The following WDR31 variants were observed in gnomAD, a reference collection of about 807,000 sequenced individuals.
The protein encoded by WDR31 is WD repeat-containing protein 31.
A neutral mutation model predicts 47.3 loss-of-function variants in WDR31; 30 were observed. The ratio of observed to expected loss-of-function variants is 0.63; its 90% CI spans 0.47 to 0.86. The LOEUF is 0.86. Among genes scored for constraint, WDR31 ranks in the 40% least tolerant of loss-of-function variants. The pLI is 0.00. For synonymous variants in WDR31, 137 were observed against 159.4 expected, an observed-to-expected ratio of 0.86 and a Z score of 1.06; for missense variants, 406 against 442.9, an observed-to-expected ratio of 0.92 and a Z score of 0.75.
chr9:113,323,226 G>A, intron 5 of WDR31, 71 bp from the exon 6 acceptor site: 3 of 1,537,430 alleles, frequency 2.0e-6, no homozygotes, highest in Non-Finnish European at 2.6e-6. Context: ...TAAATTGGGG[G>A]AAAGATGAGT....
At chr9:113,323,598 TG>T (rs1409398703) in intron 5 of WDR31, among the ~76,000 whole-genome samples, 1 of 152,206 alleles carries the variant, frequency 6.6e-6, no homozygotes, top group African/African-American at 2.4e-5. Context: ...TACCTAAGCT[TG>T]AAATCTATGA....
At chr9:113,326,424 TTTTTC>T (rs1833471196) in intron 5 of WDR31, among the ~76,000 whole-genome samples, 1 of 151,994 alleles carries the variant, frequency 6.6e-6, no homozygotes, top group Non-Finnish European at 1.5e-5. Flanking sequence ...TCTTTCTTTC[TTTTTC>T]TTTTTCTCTC....
chr9:113,326,219 T>C (rs559197985), intron 5 of WDR31, among the ~76,000 whole-genome samples: 2 of 152,304 alleles, frequency 1.3e-5, no homozygotes, highest in East Asian at 3.9e-4. Context: ...CCCATTCACA[T>C]TCTTTAATAA....
At chr9:113,327,429 A>ACACACACACACACGTG (rs1833499163) in intron 5 of WDR31, among the ~76,000 whole-genome samples, 1 of 152,006 alleles carries the variant, frequency 6.6e-6, no homozygotes, top group African/African-American at 2.4e-5. Flanking sequence ...GCACACACAC[A>ACACACACACACACGTG]CACACACACA....
At chr9:113,323,797 T>G (rs1391812249) in intron 5 of WDR31, among the ~76,000 whole-genome samples, 1 of 152,250 alleles carries the variant, frequency 6.6e-6, no homozygotes, top group Admixed American at 6.5e-5. Flanking sequence ...GGATTCCTTT[T>G]GCACTTGATC....
chr9:113,335,995 A>G (rs1325735979), intron 2 of WDR31, among the ~76,000 whole-genome samples: 1 of 152,262 alleles, frequency 6.6e-6, no homozygotes, highest in Admixed American at 6.5e-5. Flanking sequence ...ATAAGAGGCC[A>G]CAAGATGTGC....
intron 8 of WDR31, among the ~76,000 whole-genome samples, chr9:113,320,714 C>T (rs1276838555): frequency 6.6e-6 from 1 of 152,174 alleles, no homozygotes; most frequent in Admixed American, 6.5e-5. Context: ...TGAGTTCTTT[C>T]TATTTTGAGA....
At chr9:113,334,550 T>G (rs1208351655) in intron 2 of WDR31, among the ~76,000 whole-genome samples, 1 of 151,676 alleles carries the variant, frequency 6.6e-6, no homozygotes, top group Non-Finnish European at 1.5e-5. Context: ...ATTTATTTTA[T>G]TTTTTTGAGA....
At chr9:113,326,498 G>A (rs1481151707) in intron 5 of WDR31, among the ~76,000 whole-genome samples, 3 of 141,222 alleles carry the variant, frequency 2.1e-5, no homozygotes, top group Admixed American at 7.5e-5. Flanking sequence ...ACTGGGTCTC[G>A]CTATGTCACC....
At chr9:113,333,370 ATT>A (rs60772699) in intron 2 of WDR31, among the ~76,000 whole-genome samples, 50 of 102,932 alleles carry the variant, frequency 4.9e-4, no homozygotes, top group African/African-American at 8.5e-4. Flanking sequence ...TGGTTGTTGG[ATT>A]TTTTTTTTTT....
chr9:113,322,707 G>C, intron 7 of WDR31, 104 bp downstream of exon 7: 2 of 1,149,056 alleles, frequency 1.7e-6, no homozygotes, highest in Non-Finnish European at 2.5e-6. Context: ...TTGGGACCCA[G>C]GCTCTAATTT....
chr9:113,326,884 T>C (rs190215609), intron 5 of WDR31, among the ~76,000 whole-genome samples: 1 of 152,326 alleles, frequency 6.6e-6, no homozygotes, highest in East Asian at 1.9e-4. Context: ...TCGCCAAGGC[T>C]GGATGCAGTG....
chr9:113,331,434 AC>A (rs919705141), intron 3 of WDR31, among the ~76,000 whole-genome samples: 7 of 152,132 alleles, frequency 4.6e-5, no homozygotes, highest in African/African-American at 1.4e-4. Context: ...GGGTGCAGAC[AC>A]TAGCTAATAA....
chr9:113,336,558 T>G (rs1833719320), intron 1 of WDR31, 118 bp from the exon 2 acceptor site: 1 of 152,238 alleles, frequency 6.6e-6, no homozygotes, highest in South Asian at 2.1e-4. Flanking sequence ...CTCTCTCACA[T>G]TTCCACAATT....
chr9:113,337,865 G>A (rs1431567685), intron 1 of WDR31, among the ~76,000 whole-genome samples: 1 of 152,098 alleles, frequency 6.6e-6, no homozygotes, highest in East Asian at 1.9e-4. Context: ...AACACTTCTG[G>A]TCCCAAACAT....
chr9:113,318,690 T>A (rs1249723778), intron 9 of WDR31, 53 bp from the exon 10 acceptor site: 2 of 1,592,166 alleles, frequency 1.3e-6, no homozygotes, highest in African/African-American at 2.7e-5. Flanking sequence ...GCTTCATCCA[T>A]GAATATCTAT....
At chr9:113,337,553 C>G (rs1833743819) in intron 1 of WDR31, among the ~76,000 whole-genome samples, 1 of 151,352 alleles carries the variant, frequency 6.6e-6, no homozygotes, top group Non-Finnish European at 1.5e-5. Flanking sequence ...GCAACCTCCA[C>G]CTCCCAGGTT....
chr9:113,332,130 G>T, intron 2 of WDR31, 80 bp from the exon 3 acceptor site: 1 of 1,005,136 alleles, frequency 9.9e-7, no homozygotes, highest in Non-Finnish European at 1.5e-6. Context: ...TCCTTTTTTA[G>T]ACTAATTAAT....
chr9:113,340,208 A>G lies in WDR31; in HGVS notation c.-182+9T>C, dbSNP rs41276795. On this transcript the variant is annotated intron_variant, in intron 1 of 10. Coordinates refer to ENST00000374193, the MANE Select transcript of WDR31 (RefSeq NM_001012361.4). ...TGCCCCTTTCTCCCACCTCAGGCTC[A>G]GTACCCACCGGTGGGCTGCGGGGCT... The G allele has an allele frequency of 0.12, 18,499 of 152,292 alleles. 1,209 individuals carry two copies. Among genetic ancestry groups the G allele is most frequent in the South Asian group, 0.18 (873 of 4,826 alleles). The allele number at this position is 152,292 out of a possible 1,614,324, so 9.4% of individuals were successfully genotyped here.
Sources: allele counts gnomAD v4.1 joint callset (sites outside exome capture counted in the v4.1 genomes callset), GRCh38; gene constraint gnomAD v4.1.1; transcripts MANE v1.5; gene names NCBI Gene and HGNC (gene_info 2026-07-23, HGNC 2026-07-21).